Variants in CTTNBP2 observed in about 807,000 individuals in gnomAD.
The protein encoded by CTTNBP2 is cortactin-binding protein 2.
A neutral mutation model predicts 156.9 loss-of-function variants in CTTNBP2; 108 were observed. That is an observed-to-expected ratio of 0.69 (90% CI 0.59 to 0.81). The LOEUF (loss-of-function observed/expected upper bound fraction) is 0.81, where lower values mean the gene tolerates loss of function less well. Ranked by LOEUF, CTTNBP2 falls within the 30% of genes least tolerant of loss-of-function variation. The pLI, the probability that CTTNBP2 is intolerant of heterozygous loss-of-function variation, is 0.00. For missense variants in CTTNBP2, 1,924 were observed against 2,035.4 expected, an observed-to-expected ratio of 0.95 and a Z score of 1.05; for synonymous variants, 767 against 751.8, an observed-to-expected ratio of 1.02 and a Z score of -0.33.
intron 2 of CTTNBP2, among the ~76,000 whole-genome samples, chr7:117,846,891 A>C (rs1802616690): frequency 6.6e-6 from 1 of 152,036 alleles, no homozygotes; most frequent in Non-Finnish European, 1.5e-5. Context: ...ATATATATAT[A>C]CTCTCATATT....
intron 3 of CTTNBP2, among the ~76,000 whole-genome samples, chr7:117,808,670 G>C (rs537504411): frequency 1.3e-5 from 2 of 152,268 alleles, no homozygotes; most frequent in Non-Finnish European, 2.9e-5. Flanking sequence ...CATTTGCTCT[G>C]GCAGTGATTT....
At chr7:117,745,393 G>A (rs1796272929) in intron 14 of CTTNBP2, among the ~76,000 whole-genome samples, 2 of 152,162 alleles carry the variant, frequency 1.3e-5, no homozygotes, top group African/African-American at 2.4e-5. Context: ...AGAGAAAGTG[G>A]TTGGCCCCAG....
chr7:117,791,339 T>G lies in CTTNBP2; in HGVS notation c.1857A>C (p.Leu619Phe). Residue 619 changes from leucine (L) to phenylalanine (F), a missense_variant, in exon 4 of 23, where the codon TTA becomes TTC. Physicochemically the swap from Leu to Phe is conservative, Grantham distance 22. Coordinates refer to ENST00000160373, the MANE Select transcript of CTTNBP2 (RefSeq NM_033427.3). ...PQLPPKPSIDLTVAPAGCAVS... is the reference protein window; with the variant it reads ...PQLPPKPSIDFTVAPAGCAVS... ...CGGCACAGCCTGCAGGTGCCACAGT[T>G]AAATCTATGGATGGTTTTGGTGGCA... The G allele has an allele frequency of 6.2e-7, 1 of 1,614,146 alleles. No individual in the cohort carries two copies. Among genetic ancestry groups the G allele is most frequent in the Non-Finnish European group, 8.5e-7 (1 of 1,180,014 alleles).
At chr7:117,768,581 A>AAAAAAAAAAAGAAAG (rs1554419704) in intron 8 of CTTNBP2, among the ~76,000 whole-genome samples, 5 of 99,104 alleles carry the variant, frequency 5.0e-5, no homozygotes, top group Non-Finnish European at 9.2e-5. Context: ...AAAAAAAAAA[A>AAAAAAAAAAAGAAAG]AAAGAAAGAA....
intron 21 of CTTNBP2, 60 bp from the exon 22 acceptor site, chr7:117,718,179 C>T: frequency 2.0e-6 from 2 of 1,012,440 alleles, no homozygotes; most frequent in Admixed American, 1.8e-5. Flanking sequence ...ATACTCAAGG[C>T]ACAGCTAAAT....
intron 12 of CTTNBP2, among the ~76,000 whole-genome samples, chr7:117,750,843 AT>A (rs1366077241): frequency 1.3e-5 from 2 of 152,324 alleles, no homozygotes; most frequent in Admixed American, 1.3e-4. Flanking sequence ...GGAAAGTGGG[AT>A]ATAAATATTC....
At chr7:117,871,875 C>CACACACACACACACACACACACACACACA (rs377637091) in intron 1 of CTTNBP2, 25 of 861,064 alleles carry the variant, frequency 2.9e-5, no homozygotes, top group African/African-American at 2.3e-4. Flanking sequence ...CACACACACA[C>CACACACACACACACACACACACACACACA]CCTCTTTCTT....
Position 117,711,388 on chromosome 7 carries a change from C to T in CTTNBP2, c.*149G>A. 1.2e-6 allele frequency: 1 copy of T among 842,376 alleles called. No individual in the cohort carries two copies. Among genetic ancestry groups the T allele is most frequent in the African/African-American group, 1.7e-5 (1 of 57,470 alleles). 52.2% of individuals were successfully genotyped at this position (842,376 alleles called of 1,614,324 possible). A position where few individuals can be genotyped will look rare whatever the true frequency, so the allele number is the denominator to read the frequency against. ...ACAAAATGTTGGTTATAAATACATT[C>T]TTTACAAAAAAAAATTGAATAGTGG... On this transcript the variant is annotated 3_prime_UTR_variant, in exon 23 of 23. Coordinates refer to ENST00000160373, the MANE Select transcript of CTTNBP2 (RefSeq NM_033427.3).
At chr7:117,813,640 G>A (rs550861642) in intron 2 of CTTNBP2, among the ~76,000 whole-genome samples, 10 of 151,992 alleles carry the variant, frequency 6.6e-5, no homozygotes, top group South Asian at 2.1e-4. Context: ...AGATCTCCGC[G>A]TCTATCTCTC....
At chr7:117,858,158 C>T (rs1460927602) in intron 2 of CTTNBP2, among the ~76,000 whole-genome samples, 1 of 152,236 alleles carries the variant, frequency 6.6e-6, no homozygotes, top group Non-Finnish European at 1.5e-5. Flanking sequence ...ATCACGAGGT[C>T]AGGAGATCAA....
chr7:117,830,196 ACT>A (rs1801515652), intron 2 of CTTNBP2, among the ~76,000 whole-genome samples: 1 of 152,226 alleles, frequency 6.6e-6, no homozygotes, highest in African/African-American at 2.4e-5. Flanking sequence ...TGTTAAAATG[ACT>A]CTAAAAATAG....
chr7:117,759,212 G>A (rs547380683), intron 10 of CTTNBP2, among the ~76,000 whole-genome samples: 1 of 152,130 alleles, frequency 6.6e-6, no homozygotes, highest in Admixed American at 6.5e-5. Context: ...GGGCTCAAGG[G>A]ATCTTCCCAC....
At position 117,721,597 on chromosome 7, in the gene CTTNBP2, T is replaced by C. The variant is rs34968508; in HGVS notation, c.4448-467A>G. On this transcript the variant is annotated intron_variant, in intron 19 of 22. Coordinates refer to ENST00000160373, the MANE Select transcript of CTTNBP2 (RefSeq NM_033427.3). ...AGTTTTTGATATGTGGCATTAGCCA[T>C]GTACTTGTAGAAATTTAACTTTTAA... Among the ~76,000 whole-genome samples, 1,302 of 152,370 alleles carry C rather than the reference T, an allele frequency of 8.5e-3. 21 individuals carry two copies. Among genetic ancestry groups the C allele is most frequent in the African/African-American group, 0.029 (1,225 of 41,596 alleles).
chr7:117,858,771 T>C (rs541210830), intron 2 of CTTNBP2, among the ~76,000 whole-genome samples: 2 of 152,304 alleles, frequency 1.3e-5, no homozygotes, highest in Admixed American at 1.3e-4. Flanking sequence ...TTTTTACTTA[T>C]TAAACAAGTC....
chr7:117,836,073 C>T (rs1473207650), intron 2 of CTTNBP2, among the ~76,000 whole-genome samples: 1 of 152,150 alleles, frequency 6.6e-6, no homozygotes, highest in African/African-American at 2.4e-5. Context: ...ATTGATATCT[C>T]CCTATGAACT....
At position 117,714,829 on chromosome 7, in the gene CTTNBP2, C is replaced by T. The variant is rs912403380; in HGVS notation, c.4747-3047G>A. On this transcript the variant is annotated intron_variant, in intron 22 of 22. Transcript: ENST00000160373. Reference sequence around the variant, plus strand: ...AGGTGACCAATGCACAGCATCCTGCCTGAAAAGTGCTCCTGACACCCTGGA... The same window carrying T: ...AGGTGACCAATGCACAGCATCCTGCTTGAAAAGTGCTCCTGACACCCTGGA... Among the ~76,000 whole-genome samples the T allele has an allele frequency of 3.3e-5, 5 of 152,144 alleles. No homozygotes were observed. In the South Asian group the frequency reaches 1.0e-3, roughly 32 times the overall value.
chr7:117,855,612 C>G (rs535646156), intron 2 of CTTNBP2, among the ~76,000 whole-genome samples: 15 of 152,066 alleles, frequency 9.9e-5, no homozygotes, highest in African/African-American at 2.7e-4. Context: ...ACAGCTCCCC[C>G]CAAACAGCAA....
Position 117,794,934 on chromosome 7 carries a change from C to T in CTTNBP2, c.415-2153G>A, listed in dbSNP as rs183266421. Among the ~76,000 whole-genome samples, 1,201 of 126,306 alleles carry T rather than the reference C, an allele frequency of 9.5e-3. 12 individuals are homozygous for T. Among genetic ancestry groups the T allele is most frequent in the Non-Finnish European group, 0.012 (765 of 64,584 alleles). 82.9% of individuals were successfully genotyped at this position (126,306 alleles called of 152,430 possible). On this transcript the variant is annotated intron_variant, in intron 3 of 22. Transcript: ENST00000160373. ...ACGGAGTCTCGCTCTGTCGCCCAGG[C>T]GGGACTGCGGACTGCAGTGGCGCAA...
intron 2 of CTTNBP2, among the ~76,000 whole-genome samples, chr7:117,835,860 C>A (rs894340801): frequency 6.6e-6 from 1 of 152,064 alleles, no homozygotes; most frequent in Non-Finnish European, 1.5e-5. Context: ...GTGATCTCTG[C>A]CAAGTTGCTA....
Sources: allele counts gnomAD v4.1 joint callset (sites outside exome capture counted in the v4.1 genomes callset), GRCh38; gene constraint gnomAD v4.1.1; transcripts MANE v1.5; gene names NCBI Gene and HGNC (gene_info 2026-07-23, HGNC 2026-07-21).